Variants in LRRTM4 observed in about 807,000 individuals in gnomAD.
LRRTM4 encodes leucine-rich repeat transmembrane neuronal protein 4.
Under a neutral mutation model 47.6 loss-of-function variants are expected in LRRTM4, and 25 were observed. That is an observed-to-expected ratio of 0.53 (90% CI 0.38 to 0.73). LRRTM4 has a LOEUF of 0.73. LRRTM4 is among the 30% of genes least tolerant of loss of function. The pLI, the probability that LRRTM4 is intolerant of heterozygous loss-of-function variation, is 0.00. For missense variants in LRRTM4, 638 were observed against 713.4 expected, an observed-to-expected ratio of 0.89 and a Z score of 1.20; for synonymous variants, 311 against 269.5, an observed-to-expected ratio of 1.15 and a Z score of -1.51.
chr2:77,034,808 T>C (rs1472796497), intron 3 of LRRTM4, among the ~76,000 whole-genome samples: 2 of 151,916 alleles, frequency 1.3e-5, no homozygotes, highest in African/African-American at 4.8e-5. Context: ...CTTTTGAGGG[T>C]TGCAAAATTA....
In LRRTM4 at chr2:76,748,694, G is replaced by A. The variant is rs771603918; in HGVS notation, c.*1C>T. 6 of 1,611,084 alleles carry A rather than the reference G, an allele frequency of 3.7e-6. No individual in the cohort carries two copies. Among genetic ancestry groups the A allele is most frequent in the Non-Finnish European group, 5.1e-6 (6 of 1,178,912 alleles). On this transcript the variant is annotated 3_prime_UTR_variant, in exon 4 of 4. Coordinates refer to ENST00000409884, the MANE Select transcript of LRRTM4 (RefSeq NM_001134745.3). ...TCCCCAGTGAGGAGTTGGCTTCAGCGTTAGTTTGCAATTCTCTCTAGGTAG... is the reference window on the plus strand; with the variant it reads ...TCCCCAGTGAGGAGTTGGCTTCAGCATTAGTTTGCAATTCTCTCTAGGTAG...
chr2:77,099,638 G>GT (rs1276752289), intron 3 of LRRTM4, among the ~76,000 whole-genome samples: 1 of 151,302 alleles, frequency 6.6e-6, no homozygotes. Flanking sequence ...GTTATTTATC[G>GT]TTTTTGTGGA....
chr2:77,040,481 G>A (rs1678990234), intron 3 of LRRTM4, among the ~76,000 whole-genome samples: 1 of 151,370 alleles, frequency 6.6e-6, no homozygotes, highest in African/African-American at 2.4e-5. Context: ...AGTAAAGAGA[G>A]AGAGAGAAAC....
chr2:76,793,582 TC>T (rs1378401561), intron 3 of LRRTM4, among the ~76,000 whole-genome samples: 14 of 130,904 alleles, frequency 1.1e-4, no homozygotes, highest in Admixed American at 7.4e-4. Flanking sequence ...TGTAGAACTT[TC>T]TCCTCTTCAC....
chr2:77,313,929 T>C (rs1677545560), intron 3 of LRRTM4, among the ~76,000 whole-genome samples: 1 of 152,224 alleles, frequency 6.6e-6, no homozygotes, highest in African/African-American at 2.4e-5. Context: ...TTAAATTTTT[T>C]ATTACAAAAG....
chr2:76,819,504 A>T (rs1177564116), intron 3 of LRRTM4, among the ~76,000 whole-genome samples: 1 of 151,880 alleles, frequency 6.6e-6, no homozygotes, highest in East Asian at 1.9e-4. Context: ...CTAACAAACC[A>T]TATCTTAACA....
At chr2:76,954,820 C>G (rs1444613180) in intron 3 of LRRTM4, among the ~76,000 whole-genome samples, 2 of 151,720 alleles carry the variant, frequency 1.3e-5, no homozygotes, top group African/African-American at 2.4e-5. Flanking sequence ...TACAACTCAC[C>G]ACATCACATA....
At position 77,521,040 on chromosome 2, in the gene LRRTM4, C is replaced by CTTTTTTT. The variant is rs1039617242; in HGVS notation, c.4+621_4+627dup. Among the ~76,000 whole-genome samples the CTTTTTTT allele has an allele frequency of 2.7e-3, 407 of 151,642 alleles. 3 individuals are homozygous for CTTTTTTT. The highest frequency in any genetic ancestry group is 9.5e-3 in the African/African-American group (393 of 41,382). On this transcript the variant is annotated intron_variant, in intron 2 of 3. Coordinates refer to ENST00000409884, the MANE Select transcript of LRRTM4 (RefSeq NM_001134745.3). ...CTTCTTCTCAAACAGTTAAGTTTTT[C>CTTTTTTT]TTTTTTTTCTTTTTAATTTAAAACC... is the stretch of plus-strand genomic sequence containing the variant.
intron 3 of LRRTM4, among the ~76,000 whole-genome samples, chr2:77,383,722 G>A (rs779899106): frequency 2.0e-4 from 30 of 151,994 alleles, no homozygotes; most frequent in East Asian, 1.4e-3. Flanking sequence ...ATAATTCATC[G>A]CTTGCTCAAG....
chr2:77,118,970 G>A (rs1671458274), intron 3 of LRRTM4, among the ~76,000 whole-genome samples: 1 of 151,790 alleles, frequency 6.6e-6, no homozygotes, highest in African/African-American at 2.4e-5. Flanking sequence ...AGCCAGGCAT[G>A]GGATTACTCT....
chr2:76,987,345 A>G (rs1676838879), intron 3 of LRRTM4: 1 of 151,882 alleles, frequency 6.6e-6, no homozygotes, highest in African/African-American at 2.4e-5. Context: ...TTTAAAAATA[A>G]AACTCTAAAG....
chr2:77,197,944 T>C (rs1340381866), intron 3 of LRRTM4, among the ~76,000 whole-genome samples: 6 of 152,220 alleles, frequency 3.9e-5, no homozygotes, highest in Admixed American at 3.3e-4. Context: ...ATTTTCATTT[T>C]AGTTTTCTTT....
intron 3 of LRRTM4, among the ~76,000 whole-genome samples, chr2:77,187,282 C>G (rs1310645893): frequency 1.3e-5 from 2 of 152,160 alleles, no homozygotes; most frequent in African/African-American, 2.4e-5. Flanking sequence ...CAAATCACAT[C>G]TTTGCTTGGC....
chr2:77,355,662 G>A (rs939929490), intron 3 of LRRTM4, among the ~76,000 whole-genome samples: 97 of 152,198 alleles, frequency 6.4e-4, no homozygotes, highest in African/African-American at 2.2e-3. Context: ...GATTGGGAAA[G>A]ATACTTTGAA....
chr2:77,440,111 A>G (rs890125282), intron 3 of LRRTM4, among the ~76,000 whole-genome samples: 2 of 152,000 alleles, frequency 1.3e-5, no homozygotes, highest in Non-Finnish European at 2.9e-5. Flanking sequence ...AGGCCAAAGA[A>G]TGTATTAAAA....
At chr2:77,174,253 C>T (rs989120418) in intron 3 of LRRTM4, among the ~76,000 whole-genome samples, 4 of 152,164 alleles carry the variant, frequency 2.6e-5, no homozygotes, top group African/African-American at 9.7e-5. Context: ...CTAGGCCTGT[C>T]TGGTAGCCCC....
intron 3 of LRRTM4, among the ~76,000 whole-genome samples, chr2:77,208,657 A>G (rs1674208438): frequency 6.6e-6 from 1 of 151,978 alleles, no homozygotes; most frequent in Non-Finnish European, 1.5e-5. Flanking sequence ...ATGGAGAGAG[A>G]GTTGAGTCAG....
chr2:77,479,896 A>G (rs72811269), intron 3 of LRRTM4, among the ~76,000 whole-genome samples: 3,067 of 152,328 alleles, frequency 0.02, 44 homozygotes, highest in Non-Finnish European at 0.03. Flanking sequence ...TGAATAATAA[A>G]GAAATAGGAA....
chr2:77,243,157 A>C (rs972863612), intron 3 of LRRTM4, among the ~76,000 whole-genome samples: 7 of 152,318 alleles, frequency 4.6e-5, no homozygotes, highest in Admixed American at 4.6e-4. Flanking sequence ...TCACGCCTGT[A>C]ATCCCAGCAC....
Sources: gnomAD v4.1 joint callset for allele counts (sites outside exome capture counted in the v4.1 genomes callset) on GRCh38, gnomAD v4.1.1 for gene constraint, MANE v1.5 for transcripts, NCBI Gene and HGNC (gene_info 2026-07-23, HGNC 2026-07-21) for gene names.